Variants in ZNF736 observed in about 807,000 individuals in gnomAD.
ZNF736 encodes the protein zinc finger protein 736, also known as KRAB-containing zinc-finger repressor protein.
ZNF736 carries 6 observed loss-of-function variants against 11.7 expected under a neutral mutation model. The ratio of observed to expected loss-of-function variants is 0.51; its 90% CI spans 0.28 to 1.01. ZNF736 has a LOEUF of 1.01. Ranked by LOEUF, ZNF736 falls within the 50% of genes least tolerant of loss-of-function variation. The pLI, the probability that ZNF736 is intolerant of heterozygous loss-of-function variation, is 0.09. For synonymous variants in ZNF736, 139 were observed against 164.7 expected (o/e 0.84, Z 1.19); for missense variants, 444 against 496.0 (o/e 0.90, Z 1.00).
chr7:64,319,339 A>G (rs71533963), intron 1 of ZNF736, among the ~76,000 whole-genome samples: 16,047 of 65,384 alleles, frequency 0.25, 1,648 homozygotes, highest in African/African-American at 0.33. Context: ...ATGTGTATAT[A>G]TATATATATA....
In ZNF736 at chr7:64,352,153, A is replaced by T. The variant is rs1186307246; in HGVS notation, c.*3006A>T. On this transcript the variant is annotated 3_prime_UTR_variant, in exon 4 of 4. Transcript: ENST00000423484. Reference sequence around the variant, plus strand: ...ATATGAGAACAGGCACTCACGTAACAGTCCGACCACTTCTGAAGGGCTGCT... The same window carrying T: ...ATATGAGAACAGGCACTCACGTAACTGTCCGACCACTTCTGAAGGGCTGCT... The T allele has an allele frequency of 1.3e-5, 2 of 152,358 alleles. No homozygotes were observed. The highest frequency in any genetic ancestry group is 2.9e-5 in the Non-Finnish European group (2 of 68,082). The allele number at this position is 152,358 out of a possible 1,614,324, so 9.4% of individuals were successfully genotyped here. A position where few individuals can be genotyped will look rare whatever the true frequency, so the allele number is the denominator to read the frequency against.
intron 1 of ZNF736, among the ~76,000 whole-genome samples, chr7:64,319,044 T>G (rs1788956281): frequency 6.6e-6 from 1 of 152,096 alleles, no homozygotes; most frequent in Admixed American, 6.6e-5. Flanking sequence ...ATGAGACAGA[T>G]AGAAGTAAAT....
rs80224833 is a variant in ZNF736, at chr7:64,340,499, C to A, written c.226+3517C>A. 1.3e-3 allele frequency among the ~76,000 whole-genome samples: 201 copies of A among 152,272 alleles called. 5 individuals are homozygous for A. The East Asian group carries it at 0.035, about 27-fold the overall frequency. On this transcript the variant is annotated intron_variant, in intron 3 of 3. Coordinates refer to ENST00000423484, the MANE Select transcript of ZNF736 (RefSeq NM_001170905.3). ...AGTTTGCCACCTATATGAGGACCTG[C>A]CTTTTCAAAATGACTTCAATCAATC...
chr7:64,344,293 A>C (rs1254922568), intron 3 of ZNF736, among the ~76,000 whole-genome samples: 1 of 152,050 alleles, frequency 6.6e-6, no homozygotes, highest in Non-Finnish European at 1.5e-5. Flanking sequence ...CAAGAGCAAA[A>C]CTCTGTCTAA....
At chr7:64,345,784 T>G (rs1361919700) in intron 3 of ZNF736, among the ~76,000 whole-genome samples, 1 of 151,938 alleles carries the variant, frequency 6.6e-6, no homozygotes, top group South Asian at 2.1e-4. Flanking sequence ...GTTTTTTGAA[T>G]TTTTCAGCTT....
chr7:64,314,247 C>T (rs1300337591), intron 1 of ZNF736, 94 bp downstream of exon 1: 1 of 1,498,382 alleles, frequency 6.7e-7, no homozygotes, highest in Non-Finnish European at 9.0e-7. Flanking sequence ...TTCTCGCGGT[C>T]TGCTCTGGAG....
At chr7:64,342,814 G>A (rs1789356582) in intron 3 of ZNF736, among the ~76,000 whole-genome samples, 1 of 152,104 alleles carries the variant, frequency 6.6e-6, no homozygotes, top group African/African-American at 2.4e-5. Context: ...AAAGATACTA[G>A]CATTTTCATC....
intron 2 of ZNF736, 112 bp downstream of exon 2, chr7:64,336,497 AAG>A (rs1789252566): frequency 8.3e-7 from 1 of 1,203,892 alleles, no homozygotes; most frequent in Non-Finnish European, 1.1e-6. Context: ...CTGCTTCAAA[AAG>A]AAAAAATTGG....
chr7:64,338,156 GTATATA>G (rs1212542563), intron 3 of ZNF736, among the ~76,000 whole-genome samples: 2 of 152,116 alleles, frequency 1.3e-5, no homozygotes, highest in African/African-American at 4.8e-5. Flanking sequence ...TCATTCATAT[GTATATA>G]TATAAACACA....
chr7:64,319,313 GTATGTGTGTGTGTGTATGTGTATA>G (rs1562666614), intron 1 of ZNF736, among the ~76,000 whole-genome samples: 28 of 96,626 alleles, frequency 2.9e-4, no homozygotes, highest in African/African-American at 1.1e-3. Context: ...GTGTGTATAT[GTATGTGTGTGTGTGTATGTGTATA>G]TATATATATA....
At chr7:64,324,712 A>G (rs1262955441) in intron 1 of ZNF736, among the ~76,000 whole-genome samples, 1 of 152,184 alleles carries the variant, frequency 6.6e-6, no homozygotes, top group Admixed American at 6.5e-5. Context: ...TCACCTGATC[A>G]TAGTCTCATC....
chr7:64,342,447 C>G (rs1562675274), intron 3 of ZNF736, among the ~76,000 whole-genome samples: 1 of 152,100 alleles, frequency 6.6e-6, no homozygotes, highest in Non-Finnish European at 1.5e-5. Flanking sequence ...ACAATTGCCT[C>G]TACTGTGGAA....
rs372146592 is a variant in ZNF736, at chr7:64,340,124, C to A, written c.226+3142C>A. 2.0e-5 allele frequency among the ~76,000 whole-genome samples: 3 copies of A among 152,122 alleles called. No individual in the cohort carries two copies. In the East Asian group the frequency reaches 5.8e-4, roughly 29 times the overall value. On this transcript the variant is annotated intron_variant, in intron 3 of 3. Transcript: ENST00000423484. ...AGCACTAGGGCAGTGTTCTGCAGTA[C>A]GGCTGGTATATGGTGTGCCTGATGT...
chr7:64,330,481 T>C (rs555326726), intron 1 of ZNF736, among the ~76,000 whole-genome samples: 1 of 152,008 alleles, frequency 6.6e-6, no homozygotes, highest in South Asian at 2.1e-4. Flanking sequence ...TTTTCTGACC[T>C]AGGGTGGTTC....
At chr7:64,323,785 A>C (rs1485694964) in intron 1 of ZNF736, among the ~76,000 whole-genome samples, 1 of 152,186 alleles carries the variant, frequency 6.6e-6, no homozygotes, top group Non-Finnish European at 1.5e-5. Context: ...TGCTGAGCTT[A>C]ATACATGGGT....
Position 64,319,309 on chromosome 7 carries a change from ATATGTATGTGTGTGTGTGTATG to A in ZNF736, c.3+5158_3+5179del, listed in dbSNP as rs1356680146. Among the ~76,000 whole-genome samples the A allele has an allele frequency of 3.1e-4, 38 of 124,430 alleles. 1 individual carries two copies. The highest frequency in any genetic ancestry group is 8.8e-4 in the African/African-American group (29 of 32,884). The allele number at this position is 124,430 out of a possible 152,430, so 81.6% of individuals were successfully genotyped here. ...TGTATGTATGTATGTGTGTGTGTGT[ATATGTATGTGTGTGTGTGTATG>A]TGTATATATATATATATATATATAT... On this transcript the variant is annotated intron_variant, in intron 1 of 3. Coordinates refer to ENST00000423484, the MANE Select transcript of ZNF736 (RefSeq NM_001170905.3).
rs1478146096 is a variant in ZNF736 at position 64,349,510 on chromosome 7, CTT to C, written c.*368_*369del. On this transcript the variant is annotated 3_prime_UTR_variant, in exon 4 of 4. Transcript: ENST00000423484. Reference sequence around the variant, plus strand: ...TAAAGCATACCATTAGATCTTGATTCTTTTTTCAGCTTGCCATCTGTGCTTTA... The same window carrying C: ...TAAAGCATACCATTAGATCTTGATTCTTTTCAGCTTGCCATCTGTGCTTTA... The C allele has an allele frequency of 5.9e-6, 1 of 168,980 alleles. No individual in the cohort carries two copies. The highest frequency in any genetic ancestry group is 2.4e-5 in the African/African-American group (1 of 41,808). 10.5% of individuals were successfully genotyped at this position (168,980 alleles called of 1,614,324 possible).
At chr7:64,326,042 A>G (rs1283913087) in intron 1 of ZNF736, among the ~76,000 whole-genome samples, 3 of 152,208 alleles carry the variant, frequency 2.0e-5, no homozygotes, top group Non-Finnish European at 2.9e-5. Flanking sequence ...GGTGATTTTT[A>G]TCTCTGCTTT....
chr7:64,347,159 G>A (rs1789421960), intron 3 of ZNF736, among the ~76,000 whole-genome samples: 1 of 148,354 alleles, frequency 6.7e-6, no homozygotes, highest in African/African-American at 2.5e-5. Flanking sequence ...AGTCTCTCAA[G>A]CCTGTTCTAT....
Sources: allele counts gnomAD v4.1 joint callset (sites outside exome capture counted in the v4.1 genomes callset), GRCh38; gene constraint gnomAD v4.1.1; transcripts MANE v1.5; gene names NCBI Gene and HGNC (gene_info 2026-07-23, HGNC 2026-07-21).